The following DIAPH3 variants were observed in gnomAD, a reference collection of about 807,000 sequenced individuals.
DIAPH3 encodes protein diaphanous homolog 3.
A neutral mutation model predicts 144.3 loss-of-function variants in DIAPH3; 117 were observed. The observed-to-expected ratio is 0.81, with a 90% CI of 0.70 to 0.95. The LOEUF (loss-of-function observed/expected upper bound fraction) is 0.95, where lower values mean the gene tolerates loss of function less well. Ranked by LOEUF, DIAPH3 falls within the 40% of genes least tolerant of loss-of-function variation. DIAPH3 has a pLI of 0.00. For missense variants in DIAPH3, 1,421 were observed against 1,412.7 expected, an observed-to-expected ratio of 1.01 and a Z score of -0.09; for synonymous variants, 519 against 488.9, an observed-to-expected ratio of 1.06 and a Z score of -0.81.
At chr13:59,841,991 T>A (rs2042375960) in intron 22 of DIAPH3, among the ~76,000 whole-genome samples, 1 of 152,134 alleles carries the variant, frequency 6.6e-6, no homozygotes, top group South Asian at 2.1e-4. Context: ...CACTGTGTTA[T>A]ATATAAATTA....
intron 3 of DIAPH3, among the ~76,000 whole-genome samples, chr13:60,102,446 AAAG>A (rs869084389): frequency 7.1e-6 from 1 of 141,156 alleles, no homozygotes; most frequent in Non-Finnish European, 1.6e-5. Context: ...TTTGCTAAAT[AAAG>A]AAGATGTCAG....
intron 25 of DIAPH3, among the ~76,000 whole-genome samples, chr13:59,786,532 C>T (rs528145007): frequency 2.0e-5 from 3 of 152,204 alleles, no homozygotes; most frequent in Non-Finnish European, 4.4e-5. Context: ...AGCTATTTAT[C>T]TGCTCACTTA....
At chr13:59,720,872 G>A (rs960085474) in intron 27 of DIAPH3, among the ~76,000 whole-genome samples, 2 of 152,096 alleles carry the variant, frequency 1.3e-5, no homozygotes, top group Non-Finnish European at 2.9e-5. Context: ...AGTATTCACT[G>A]ACTATCTGGC....
chr13:60,095,435 G>C (rs947351811), intron 3 of DIAPH3, among the ~76,000 whole-genome samples: 1 of 152,038 alleles, frequency 6.6e-6, no homozygotes, highest in Non-Finnish European at 1.5e-5. Context: ...TTAGGGGGTG[G>C]GTCAATGTAA....
At chr13:60,162,807 TCTCACACACACA>T (rs1448763479) in intron 1 of DIAPH3, among the ~76,000 whole-genome samples, 4 of 128,062 alleles carry the variant, frequency 3.1e-5, no homozygotes, top group South Asian at 2.7e-4. Flanking sequence ...TCTCTCTCTC[TCTCACACACACA>T]CACACACACA....
intron 11 of DIAPH3, 66 bp from the exon 12 acceptor site, chr13:59,991,340 A>G: frequency 1.7e-6 from 2 of 1,144,600 alleles, no homozygotes; most frequent in East Asian, 2.4e-5. Context: ...ATAATATGAC[A>G]GAATTTGTCC....
intron 23 of DIAPH3, chr13:59,838,755 A>C (rs933073351): frequency 6.5e-6 from 1 of 153,414 alleles, no homozygotes; most frequent in Non-Finnish European, 1.5e-5. Flanking sequence ...TGACAGGGAA[A>C]AGATGAGAGA....
intron 25 of DIAPH3, among the ~76,000 whole-genome samples, chr13:59,795,617 C>A (rs1292928558): frequency 2.6e-5 from 4 of 151,970 alleles, no homozygotes; most frequent in Admixed American, 6.6e-5. Flanking sequence ...CCATTCCAGG[C>A]TATTTTTTTT....
intron 4 of DIAPH3, among the ~76,000 whole-genome samples, chr13:60,061,415 T>C (rs748108818): frequency 1.3e-5 from 2 of 151,898 alleles, no homozygotes; most frequent in African/African-American, 4.8e-5. Context: ...AGAAATACAT[T>C]CAAGCAACAG....
intron 20 of DIAPH3, among the ~76,000 whole-genome samples, chr13:59,884,893 G>A (rs2045335591): frequency 6.6e-6 from 1 of 151,526 alleles, no homozygotes. Flanking sequence ...CTATGCTAAA[G>A]TTATTTAAGA....
chr13:59,830,578 C>T (rs1040281097), intron 24 of DIAPH3, among the ~76,000 whole-genome samples: 1 of 151,632 alleles, frequency 6.6e-6, no homozygotes, highest in African/African-American at 2.4e-5. Context: ...TTTTGGAACC[C>T]TTTTCCCATT....
intron 1 of DIAPH3, among the ~76,000 whole-genome samples, chr13:60,155,431 ATT>A (rs1448518189): frequency 2.6e-5 from 4 of 152,282 alleles, no homozygotes; most frequent in Admixed American, 1.3e-4. Context: ...CTTAATATAT[ATT>A]GTTTCTTTTG....
At chr13:59,935,679 C>T (rs1488571560) in intron 17 of DIAPH3, among the ~76,000 whole-genome samples, 1 of 152,148 alleles carries the variant, frequency 6.6e-6, no homozygotes, top group Non-Finnish European at 1.5e-5. Context: ...TATCTGGCTT[C>T]CCAAACCAAG....
intron 25 of DIAPH3, among the ~76,000 whole-genome samples, chr13:59,777,698 T>C (rs2038496369): frequency 6.6e-6 from 1 of 152,086 alleles, no homozygotes; most frequent in South Asian, 2.1e-4. Context: ...TGAATCTGAA[T>C]GCAAGGCAAC....
intron 23 of DIAPH3, among the ~76,000 whole-genome samples, chr13:59,835,367 A>G (rs2041992457): frequency 7.1e-6 from 1 of 139,990 alleles, no homozygotes; most frequent in African/African-American, 2.5e-5. Context: ...ATGATGTAGA[A>G]AAAAAATATG....
At chr13:59,881,615 A>G (rs945799474) in intron 20 of DIAPH3, among the ~76,000 whole-genome samples, 1 of 152,192 alleles carries the variant, frequency 6.6e-6, no homozygotes, top group Non-Finnish European at 1.5e-5. Context: ...GCCAGCATAG[A>G]GTAATTAATT....
At chr13:59,854,514 A>C (rs1448589919) in intron 22 of DIAPH3, among the ~76,000 whole-genome samples, 1 of 152,178 alleles carries the variant, frequency 6.6e-6, no homozygotes, top group Non-Finnish European at 1.5e-5. Context: ...CAAGATTCAT[A>C]AGATTGCCAT....
chr13:59,805,404 C>T (rs1425440072), intron 25 of DIAPH3, among the ~76,000 whole-genome samples: 1 of 151,944 alleles, frequency 6.6e-6, no homozygotes, highest in African/African-American at 2.4e-5. Flanking sequence ...CTACTACTTG[C>T]CTTACTAGAA....
chr13:59,670,826 G>A (rs150133376), intron 27 of DIAPH3, among the ~76,000 whole-genome samples: 6,176 of 152,040 alleles, frequency 0.041, 208 homozygotes, highest in South Asian at 0.1. Context: ...CTCGTGATCC[G>A]CCCGCCTTGG....
Sources: allele counts gnomAD v4.1 joint callset (sites outside exome capture counted in the v4.1 genomes callset), GRCh38; gene constraint gnomAD v4.1.1; transcripts MANE v1.5; gene names NCBI Gene and HGNC (gene_info 2026-07-23, HGNC 2026-07-21).